The following RAB7B variants were observed in gnomAD, a reference collection of about 807,000 sequenced individuals.
RAB7B encodes the protein ras-related protein Rab-7b.
chr1:206,000,815 C>T (rs1373926471), intron 1 of RAB7B, among the ~76,000 whole-genome samples: 8 of 152,238 alleles, frequency 5.3e-5, no homozygotes, highest in Non-Finnish European at 1.5e-5. Flanking sequence ...TTATGCCAAG[C>T]ACCACCCTGT....
chr1:206,002,369 G>T (rs1660904647), intron 1 of RAB7B, among the ~76,000 whole-genome samples: 1 of 152,178 alleles, frequency 6.6e-6, no homozygotes, highest in Non-Finnish European at 1.5e-5. Context: ...TGCCTGAAGG[G>T]CAGGGCTGTG....
rs989153079 is a variant in RAB7B, at chr1:205,993,334, T to A, written c.180+86A>T. 1.7e-3 allele frequency: 670 copies of A among 396,264 alleles called. 3 individuals carry two copies. Among genetic ancestry groups the A allele is most frequent in the African/African-American group, 0.01 (508 of 48,696 alleles). The allele number at this position is 396,264 out of a possible 1,614,324, so 24.5% of individuals were successfully genotyped here. ...CTGCTCTAGACCATTCTAGCTCTGG[T>A]TCACATTGCTACATGAGTGGCTGTC... On this transcript the variant is annotated intron_variant, in intron 3 of 5. Coordinates refer to ENST00000617070, the MANE Select transcript of RAB7B (RefSeq NM_001164522.3).
rs1194736394 is a variant in RAB7B at position 205,978,715 on chromosome 1, C to T, written c.*136G>A. ...CCAGCACCAGGGTCAAGGGCTCTGC[C>T]GCAGAGCTTAGGCCCCCTGCACTGT... On this transcript the variant is annotated 3_prime_UTR_variant, in exon 6 of 6. Coordinates refer to ENST00000617070, the MANE Select transcript of RAB7B (RefSeq NM_001164522.3). 21 of 394,622 alleles carry T rather than the reference C, an allele frequency of 5.3e-5. No homozygotes were observed. The highest frequency in any genetic ancestry group is 1.8e-4 in the Admixed American group (4 of 22,622). 24.4% of individuals were successfully genotyped at this position (394,622 alleles called of 1,614,324 possible).
intron 1 of RAB7B, among the ~76,000 whole-genome samples, chr1:205,995,024 C>T (rs1448543130): frequency 2.0e-5 from 3 of 152,100 alleles, no homozygotes; most frequent in Non-Finnish European, 4.4e-5. Context: ...AAACCAAACA[C>T]TGCATGTTCT....
intron 4 of RAB7B, among the ~76,000 whole-genome samples, chr1:205,988,771 C>T (rs1010234841): frequency 2.6e-5 from 4 of 152,168 alleles, no homozygotes; most frequent in African/African-American, 9.7e-5. Context: ...AGGTGGGCGG[C>T]TGTGAGTCCA....
chr1:205,998,416 T>A lies in RAB7B; in HGVS notation c.-16-4265A>T, dbSNP rs1045137217. Among the ~76,000 whole-genome samples, 1,182 of 152,230 alleles carry A rather than the reference T, an allele frequency of 7.8e-3. 21 individuals carry two copies. Among genetic ancestry groups the A allele is most frequent in the African/African-American group, 0.027 (1,116 of 41,536 alleles). Reference sequence around the variant, plus strand: ...GGCTTTCCTGTGTCATGCCTCCTAATCACCAGAGTTTGAACCCATGGAATC... The same window carrying A: ...GGCTTTCCTGTGTCATGCCTCCTAAACACCAGAGTTTGAACCCATGGAATC... On this transcript the variant is annotated intron_variant, in intron 1 of 5. Coordinates refer to ENST00000617070, the MANE Select transcript of RAB7B (RefSeq NM_001164522.3).
Position 205,980,356 on chromosome 1 carries a change from C to A in RAB7B, c.523-1428G>T, listed in dbSNP as rs948116100. On this transcript the variant is annotated intron_variant, in intron 5 of 5. Coordinates refer to ENST00000617070, the MANE Select transcript of RAB7B (RefSeq NM_001164522.3). The stretch of plus-strand genomic sequence containing the variant: ...TCCCCGGGTGCAAGTCATCGCTGAG[C>A]TCTTTCCGTTAATGACATCATTTTC... Among the ~76,000 whole-genome samples the A allele has an allele frequency of 2.6e-5, 4 of 152,374 alleles. No individual in the cohort carries two copies. The East Asian group carries it at 7.7e-4, about 29-fold the overall frequency.
chr1:205,998,096 C>A (rs1172400260), intron 1 of RAB7B, among the ~76,000 whole-genome samples: 4 of 152,178 alleles, frequency 2.6e-5, no homozygotes, highest in African/African-American at 7.2e-5. Flanking sequence ...TGTCTCAAGC[C>A]TGTAATCCCA....
chr1:205,980,299 A>AT (rs1471402597), intron 5 of RAB7B, among the ~76,000 whole-genome samples: 1 of 152,216 alleles, frequency 6.6e-6, no homozygotes, highest in Non-Finnish European at 1.5e-5. Context: ...TGAGGTTTTC[A>AT]TGCTAGTGTT....
chr1:205,987,772 G>A (rs1660638614), intron 4 of RAB7B, among the ~76,000 whole-genome samples: 1 of 151,692 alleles, frequency 6.6e-6, no homozygotes, highest in East Asian at 1.9e-4. Context: ...TTCTGTAGAA[G>A]GAACAGGGAT....
chr1:205,997,031 T>C (rs1387627552), intron 1 of RAB7B, among the ~76,000 whole-genome samples: 3 of 152,114 alleles, frequency 2.0e-5, no homozygotes, highest in African/African-American at 7.2e-5. Flanking sequence ...CCAAACCATA[T>C]CATAGACCAA....
rs1046479292 is a variant in RAB7B at position 205,978,637 on chromosome 1, A to G, written c.*214T>C. On this transcript the variant is annotated 3_prime_UTR_variant, in exon 6 of 6. Transcript: ENST00000617070. ...GGCTCTGACATTCCGGGCTTCATCC[A>G]GACGCTCTCACTATACTCAGCCTGA... is the stretch of plus-strand genomic sequence containing the variant. 1 of 379,524 alleles carries G rather than the reference A, an allele frequency of 2.6e-6. No homozygotes were observed. Among genetic ancestry groups the G allele is most frequent in the African/African-American group, 2.1e-5 (1 of 48,310 alleles). The allele number at this position is 379,524 out of a possible 1,614,324, so 23.5% of individuals were successfully genotyped here.
chr1:205,979,541 C>A (rs1660448530), intron 5 of RAB7B, among the ~76,000 whole-genome samples: 1 of 152,152 alleles, frequency 6.6e-6, no homozygotes, highest in African/African-American at 2.4e-5. Context: ...TCACCAAGAG[C>A]CTGCCCCCCC....
intron 4 of RAB7B, among the ~76,000 whole-genome samples, chr1:205,987,595 G>C (rs1297240009): frequency 1.3e-5 from 2 of 152,084 alleles, no homozygotes; most frequent in Admixed American, 6.6e-5. Context: ...GAATAACAAA[G>C]GATATTTTTA....
chr1:205,985,091 C>T (rs920321633), intron 5 of RAB7B, among the ~76,000 whole-genome samples: 5 of 152,360 alleles, frequency 3.3e-5, no homozygotes, highest in South Asian at 2.1e-4. Context: ...GCCGAACCTT[C>T]GTACCTAGGG....
In RAB7B at chr1:205,994,147, A is replaced by T; in HGVS notation, c.-12T>A. ...TTCCGGGGATTCATGGAAGGGCTTC[A>T]GAGCCTGTAAGGAAACAGAGGTCAT... On this transcript the variant is annotated 5_prime_UTR_variant, in exon 2 of 6. Transcript: ENST00000617070. The T allele has an allele frequency of 2.5e-6, 1 of 398,690 alleles. No individual in the cohort carries two copies. Among genetic ancestry groups the T allele is most frequent in the African/African-American group, 2.1e-5 (1 of 48,768 alleles). 24.7% of individuals were successfully genotyped at this position (398,690 alleles called of 1,614,324 possible).
At chr1:205,990,603 T>C (rs1660704833) in intron 4 of RAB7B, among the ~76,000 whole-genome samples, 1 of 151,608 alleles carries the variant, frequency 6.6e-6, no homozygotes, top group African/African-American at 2.4e-5. Context: ...GAGGAAAAGG[T>C]GACCCCCATG....
chr1:205,998,465 C>T (rs993412972), intron 1 of RAB7B, among the ~76,000 whole-genome samples: 12,461 of 152,258 alleles, frequency 0.082, 1,729 homozygotes, highest in African/African-American at 0.28. Flanking sequence ...ATCTAGGGCA[C>T]TGGGCTCAGA....
At chr1:206,002,690 A>G (rs1660909799) in intron 1 of RAB7B, among the ~76,000 whole-genome samples, 1 of 152,254 alleles carries the variant, frequency 6.6e-6, no homozygotes, top group Non-Finnish European at 1.5e-5. Flanking sequence ...ACCTGGGTCA[A>G]GAACTGGGTA....
Sources: allele counts gnomAD v4.1 joint callset (sites outside exome capture counted in the v4.1 genomes callset), GRCh38; gene constraint gnomAD v4.1.1; transcripts MANE v1.5; gene names NCBI Gene and HGNC (gene_info 2026-07-23, HGNC 2026-07-21).